The following LPP variants were observed in gnomAD, a reference collection of about 807,000 sequenced individuals.
The protein encoded by LPP is LIM domain containing preferred translocation partner in lipoma.
LPP carries 38 observed loss-of-function variants against 60.4 expected under a neutral mutation model. The observed-to-expected ratio is 0.63, with a 90% CI of 0.49 to 0.83. The LOEUF is 0.83. LPP is among the 40% of genes least tolerant of loss of function. The pLI, the probability that LPP is intolerant of heterozygous loss-of-function variation, is 0.00. For synonymous variants in LPP, 328 were observed against 290.8 expected, an observed-to-expected ratio of 1.13 and a Z score of -1.30; for missense variants, 902 against 783.6, an observed-to-expected ratio of 1.15 and a Z score of -1.80.
chr3:188,372,271 A>T (rs1773503866), intron 3 of LPP, among the ~76,000 whole-genome samples: 1 of 152,108 alleles, frequency 6.6e-6, no homozygotes, highest in Non-Finnish European at 1.5e-5. Flanking sequence ...CTTTTTAGTA[A>T]TTATAAATTA....
chr3:188,842,310 C>G (rs1297311381), intron 9 of LPP, among the ~76,000 whole-genome samples: 5 of 152,292 alleles, frequency 3.3e-5, no homozygotes, highest in African/African-American at 9.6e-5. Context: ...GCCTATTTGC[C>G]ATTTGTATGT....
chr3:188,682,858 C>T (rs1026365674), intron 7 of LPP, among the ~76,000 whole-genome samples: 2 of 152,102 alleles, frequency 1.3e-5, no homozygotes, highest in African/African-American at 4.8e-5. Context: ...ACTCTTCAGG[C>T]CCTAATGCAC....
At chr3:188,231,753 T>A in intron 2 of LPP, among the ~76,000 whole-genome samples, 1 of 152,146 alleles carries the variant, frequency 6.6e-6, no homozygotes. Flanking sequence ...TTTTAGGATG[T>A]TTTCTCTTCT....
At chr3:188,264,788 C>CTA (rs1553843205) in intron 2 of LPP, among the ~76,000 whole-genome samples, 3 of 151,480 alleles carry the variant, frequency 2.0e-5, no homozygotes, top group Non-Finnish European at 4.4e-5. Flanking sequence ...CTCTCTCTCT[C>CTA]TGTGTGTGTC....
chr3:188,432,823 C>G (rs887559653), intron 4 of LPP, among the ~76,000 whole-genome samples: 1 of 151,996 alleles, frequency 6.6e-6, no homozygotes, highest in Non-Finnish European at 1.5e-5. Flanking sequence ...TTTACTTTTC[C>G]TGAAATGTGT....
intron 7 of LPP, among the ~76,000 whole-genome samples, chr3:188,622,989 C>G (rs1031979801): frequency 2.7e-5 from 4 of 148,110 alleles, no homozygotes; most frequent in Non-Finnish European, 4.4e-5. Flanking sequence ...GATCACACCA[C>G]TGCACTCCAG....
intron 7 of LPP, among the ~76,000 whole-genome samples, chr3:188,643,742 G>A (rs78544687): frequency 0.023 from 3,544 of 152,152 alleles, 81 homozygotes; most frequent in African/African-American, 0.065. Context: ...AAAATGCCCC[G>A]TATTTCAGTA....
intron 6 of LPP, among the ~76,000 whole-genome samples, chr3:188,549,349 A>G (rs1474236635): frequency 3.3e-5 from 5 of 152,170 alleles, no homozygotes; most frequent in Admixed American, 1.3e-4. Context: ...TAAGAAACCT[A>G]TAAATTGATG....
chr3:188,782,444 AAGG>A (rs1034484770), intron 9 of LPP, among the ~76,000 whole-genome samples: 13 of 152,154 alleles, frequency 8.5e-5, no homozygotes, highest in Admixed American at 7.9e-4. Flanking sequence ...TCATCTATAA[AAGG>A]AGGTTAATAA....
rs1769635623 is a variant in LPP, at chr3:188,879,234, T to C, written c.*4755T>C. ...TGAAGCTACTATGACTTGGTAAGGA[T>C]TCTTCCTCTCTTGCTTTCTTCCTCC... is the stretch of plus-strand genomic sequence containing the variant. On this transcript the variant is annotated 3_prime_UTR_variant, in exon 12 of 12. Coordinates refer to ENST00000617246, the MANE Select transcript of LPP (RefSeq NM_001375462.1). The C allele has an allele frequency of 4.3e-6, 1 of 230,966 alleles. No individual in the cohort carries two copies. 14.3% of individuals were successfully genotyped at this position (230,966 alleles called of 1,614,324 possible).
At position 188,484,338 on chromosome 3, in the gene LPP, G is replaced by A. The variant is rs906337930; in HGVS notation, c.194-254G>A. ...TATCTCCCACCCAAGCTCATTCTTC[G>A]CTTTGCTTAATATATTGACCCCTCT... On this transcript the variant is annotated intron_variant, in intron 4 of 11. Coordinates refer to ENST00000617246, the MANE Select transcript of LPP (RefSeq NM_001375462.1). 3.9e-5 allele frequency among the ~76,000 whole-genome samples: 6 copies of A among 152,124 alleles called. 1 individual carries two copies. In the South Asian group the frequency reaches 6.2e-4, roughly 16 times the overall value.
intron 2 of LPP, among the ~76,000 whole-genome samples, chr3:188,317,787 TGGG>T: frequency 1.8e-5 from 1 of 56,724 alleles, no homozygotes; most frequent in Middle Eastern, 7.4e-3. Context: ...TGTCTTGAAT[TGGG>T]GGGAAAAATG....
At chr3:188,213,711 A>G (rs988632172) in intron 1 of LPP, among the ~76,000 whole-genome samples, 1 of 151,998 alleles carries the variant, frequency 6.6e-6, no homozygotes, top group Non-Finnish European at 1.5e-5. Flanking sequence ...TGTCGTATGA[A>G]TGCAACCTTC....
At chr3:188,455,883 A>T (rs1341291977) in intron 4 of LPP, among the ~76,000 whole-genome samples, 2 of 151,786 alleles carry the variant, frequency 1.3e-5, no homozygotes, top group Non-Finnish European at 2.9e-5. Context: ...CTTGGCATTT[A>T]AAAAAAAATT....
intron 8 of LPP, among the ~76,000 whole-genome samples, chr3:188,727,632 G>A (rs1718913154): frequency 6.6e-6 from 1 of 152,102 alleles, no homozygotes; most frequent in African/African-American, 2.4e-5. Context: ...ATTCATATAT[G>A]TATGTCTAAC....
intron 6 of LPP, among the ~76,000 whole-genome samples, chr3:188,544,256 A>T (rs1020877591): frequency 1.3e-5 from 2 of 152,164 alleles, no homozygotes; most frequent in African/African-American, 4.8e-5. Context: ...CTGGATTTGG[A>T]GTGAAAAGAT....
intron 1 of LPP, among the ~76,000 whole-genome samples, chr3:188,204,596 T>A (rs1273473826): frequency 6.6e-6 from 1 of 152,216 alleles, no homozygotes; most frequent in Non-Finnish European, 1.5e-5. Context: ...TTGGCTTCAT[T>A]GTTCATACAA....
At chr3:188,403,019 G>C (rs1782610604) in intron 3 of LPP, among the ~76,000 whole-genome samples, 1 of 152,148 alleles carries the variant, frequency 6.6e-6, no homozygotes, top group Non-Finnish European at 1.5e-5. Context: ...TAAATCCTGG[G>C]AATGGGGTCA....
At chr3:188,419,764 C>T (rs1787281991) in intron 4 of LPP, among the ~76,000 whole-genome samples, 1 of 152,146 alleles carries the variant, frequency 6.6e-6, no homozygotes, top group South Asian at 2.1e-4. Flanking sequence ...GTGGCACACA[C>T]CTGTAATCCC....
Sources: gnomAD v4.1 joint callset for allele counts (sites outside exome capture counted in the v4.1 genomes callset) on GRCh38, gnomAD v4.1.1 for gene constraint, MANE v1.5 for transcripts, NCBI Gene and HGNC (gene_info 2026-07-23, HGNC 2026-07-21) for gene names.